The following LHFPL6 variants were observed in gnomAD, a reference collection of about 807,000 sequenced individuals.
The protein encoded by LHFPL6 is LHFPL tetraspan subfamily member 6 protein.
LHFPL6 carries 9 observed loss-of-function variants against 20.6 expected under a neutral mutation model. The observed-to-expected ratio is 0.44, with a 90% CI of 0.26 to 0.76. LHFPL6 has a LOEUF of 0.76. Ranked by LOEUF, LHFPL6 falls within the 30% of genes least tolerant of loss-of-function variation. The pLI is 0.20. For synonymous variants in LHFPL6, 105 were observed against 98.7 expected, an observed-to-expected ratio of 1.06 and a Z score of -0.38; for missense variants, 218 against 253.5, an observed-to-expected ratio of 0.86 and a Z score of 0.95.
At chr13:39,369,601 C>CCCTCCCTCCCTCCTTCCTT (rs1566095675) in intron 3 of LHFPL6, among the ~76,000 whole-genome samples, 3 of 25,272 alleles carry the variant, frequency 1.2e-4, no homozygotes, top group Admixed American at 4.0e-4. Flanking sequence ...CTTCCTTCCT[C>CCCTCCCTCCCTCCTTCCTT]CCTCTCTCCC....
At chr13:39,415,854 T>A (rs1409545518) in intron 2 of LHFPL6, among the ~76,000 whole-genome samples, 1 of 152,246 alleles carries the variant, frequency 6.6e-6, no homozygotes, top group Non-Finnish European at 1.5e-5. Flanking sequence ...GTTTGCCTCC[T>A]TGAACTTTGT....
chr13:39,544,699 G>A (rs1450269371), intron 2 of LHFPL6, among the ~76,000 whole-genome samples: 1 of 151,466 alleles, frequency 6.6e-6, no homozygotes, highest in Non-Finnish European at 1.5e-5. Flanking sequence ...GAAGGACAAA[G>A]AAACCTACAA....
intron 2 of LHFPL6, among the ~76,000 whole-genome samples, chr13:39,509,297 GTCAT>G (rs1230002644): frequency 1.3e-5 from 2 of 151,982 alleles, no homozygotes; most frequent in Admixed American, 6.6e-5. Flanking sequence ...TTTGCAAATA[GTCAT>G]TCATTTTTTT....
chr13:39,436,763 T>C lies in LHFPL6; in HGVS notation c.386-58237A>G, dbSNP rs534308103. On this transcript the variant is annotated intron_variant, in intron 2 of 3. Transcript: ENST00000379589. ...TTGCAGGTTACACATCAATATCACATTGATCACTGTGTTTCCTGAGTTAGT... is the reference window on the plus strand; with the variant it reads ...TTGCAGGTTACACATCAATATCACACTGATCACTGTGTTTCCTGAGTTAGT... Among the ~76,000 whole-genome samples, 4 of 152,386 alleles carry C rather than the reference T, an allele frequency of 2.6e-5. No homozygotes were observed. In the East Asian group the frequency reaches 7.7e-4, roughly 29 times the overall value.
intron 2 of LHFPL6, among the ~76,000 whole-genome samples, chr13:39,559,453 T>C (rs1211198807): frequency 6.6e-6 from 1 of 152,208 alleles, no homozygotes; most frequent in East Asian, 1.9e-4. Flanking sequence ...AGAGTCAGAA[T>C]TGACTAATTA....
At chr13:39,394,094 C>T (rs73453091) in intron 2 of LHFPL6, among the ~76,000 whole-genome samples, 7,555 of 152,248 alleles carry the variant, frequency 0.05, 193 homozygotes, top group Middle Eastern at 0.071. Flanking sequence ...GCATACGCCA[C>T]CACACCCAGC....
At chr13:39,508,901 C>T (rs59384926) in intron 2 of LHFPL6, among the ~76,000 whole-genome samples, 1 of 152,208 alleles carries the variant, frequency 6.6e-6, no homozygotes, top group African/African-American at 2.4e-5. Context: ...ATGTATTTAA[C>T]TTTTTAAAGA....
At position 39,475,541 on chromosome 13, in the gene LHFPL6, T is replaced by C. The variant is rs531593236; in HGVS notation, c.386-97015A>G. Among the ~76,000 whole-genome samples, 14 of 152,102 alleles carry C rather than the reference T, an allele frequency of 9.2e-5. No individual in the cohort carries two copies. In the South Asian group the frequency reaches 2.9e-3, roughly 32 times the overall value. On this transcript the variant is annotated intron_variant, in intron 2 of 3. Coordinates refer to ENST00000379589, the MANE Select transcript of LHFPL6 (RefSeq NM_005780.3). Reference sequence around the variant, plus strand: ...CAATGATTTAACATGCCCACCAAAATTGCAAGGATGCTGTGGTAGCAGCAC... The same window carrying C: ...CAATGATTTAACATGCCCACCAAAACTGCAAGGATGCTGTGGTAGCAGCAC...
At chr13:39,495,228 T>C (rs1470251068) in intron 2 of LHFPL6, among the ~76,000 whole-genome samples, 1 of 152,206 alleles carries the variant, frequency 6.6e-6, no homozygotes, top group African/African-American at 2.4e-5. Flanking sequence ...TTTATTAACA[T>C]GAAAATATGC....
intron 2 of LHFPL6, among the ~76,000 whole-genome samples, chr13:39,439,684 G>A (rs1164226465): frequency 6.6e-6 from 1 of 152,136 alleles, no homozygotes; most frequent in African/African-American, 2.4e-5. Context: ...CATCCCCGTT[G>A]GTGCTGTTCT....
rs149551286 is a variant in LHFPL6 at position 39,511,188 on chromosome 13, G to A, written c.385+89644C>T. On this transcript the variant is annotated intron_variant, in intron 2 of 3. Coordinates refer to ENST00000379589, the MANE Select transcript of LHFPL6 (RefSeq NM_005780.3). ...GCACCTAGCCAAAATATTTTCTTAC[G>A]CAGTCTTTCAAATGGACAAAAAAAA... Among the ~76,000 whole-genome samples, 1,410 of 151,780 alleles carry A rather than the reference G, an allele frequency of 9.3e-3. 6 individuals are homozygous for A. Among genetic ancestry groups the A allele is most frequent in the Non-Finnish European group, 0.015 (1,021 of 67,892 alleles).
chr13:39,522,042 C>A lies in LHFPL6; in HGVS notation c.385+78790G>T, dbSNP rs140319714. 6.4e-4 allele frequency among the ~76,000 whole-genome samples: 98 copies of A among 152,286 alleles called. 1 individual carries two copies. In the East Asian group the frequency reaches 0.017, roughly 26 times the overall value. ...CCCCAAACCCCTAGTACACACACAG[C>A]CTCTTACTAATCCACTATGTGCACT... On this transcript the variant is annotated intron_variant, in intron 2 of 3. Coordinates refer to ENST00000379589, the MANE Select transcript of LHFPL6 (RefSeq NM_005780.3).
intron 2 of LHFPL6, among the ~76,000 whole-genome samples, chr13:39,543,278 T>C (rs1870869388): frequency 6.6e-6 from 1 of 152,218 alleles, no homozygotes; most frequent in Non-Finnish European, 1.5e-5. Flanking sequence ...TGGAGGAATT[T>C]ACTGTCTAGC....
intron 3 of LHFPL6, among the ~76,000 whole-genome samples, chr13:39,364,640 T>C (rs1168304060): frequency 1.3e-5 from 2 of 152,142 alleles, no homozygotes; most frequent in African/African-American, 4.8e-5. Context: ...GTGGATAGTT[T>C]TCTTTCTTTT....
chr13:39,344,134 G>A (rs1869328214), intron 3 of LHFPL6, 80 bp from the exon 4 acceptor site: 2 of 1,132,504 alleles, frequency 1.8e-6, no homozygotes, highest in Non-Finnish European at 2.6e-6. Context: ...CTTCCAGTGT[G>A]TGGGTTCTGA....
intron 2 of LHFPL6, 90 bp from the exon 3 acceptor site, chr13:39,378,616 G>T (rs879132866): frequency 1.1e-6 from 1 of 939,448 alleles, no homozygotes; most frequent in Non-Finnish European, 1.7e-6. Flanking sequence ...AATATAACAA[G>T]ACCATAGCGT....
At chr13:39,597,797 G>C (rs915652191) in intron 2 of LHFPL6, among the ~76,000 whole-genome samples, 2 of 152,190 alleles carry the variant, frequency 1.3e-5, no homozygotes, top group African/African-American at 4.8e-5. Flanking sequence ...TGCTCTATCA[G>C]TTGACAGCTG....
intron 3 of LHFPL6, among the ~76,000 whole-genome samples, chr13:39,364,016 A>G (rs1340947949): frequency 6.6e-6 from 1 of 152,232 alleles, no homozygotes; most frequent in Admixed American, 6.5e-5. Context: ...AGCCTACTCC[A>G]TTACATAGCT....
chr13:39,409,208 C>G (rs1871193397), intron 2 of LHFPL6, among the ~76,000 whole-genome samples: 1 of 152,176 alleles, frequency 6.6e-6, no homozygotes, highest in East Asian at 1.9e-4. Flanking sequence ...AATCCCAGCA[C>G]TTTGGGAGGC....
Sources: allele counts gnomAD v4.1 joint callset (sites outside exome capture counted in the v4.1 genomes callset), GRCh38; gene constraint gnomAD v4.1.1; transcripts MANE v1.5; gene names NCBI Gene and HGNC (gene_info 2026-07-23, HGNC 2026-07-21).